HS6ST2: variants seen among roughly 807,000 people sequenced by gnomAD.
HS6ST2 encodes the protein heparan-sulfate 6-O-sulfotransferase 2.
Under a neutral mutation model 33.0 loss-of-function variants are expected in HS6ST2, and 17 were observed. The observed-to-expected ratio is 0.52, with a 90% CI of 0.35 to 0.77. The LOEUF (loss-of-function observed/expected upper bound fraction) is 0.77. Among genes scored for constraint, HS6ST2 ranks in the 30% least tolerant of loss-of-function variants. HS6ST2 has a pLI of 0.01. For synonymous variants in HS6ST2, 248 were observed against 237.1 expected (o/e 1.05, Z -0.42); for missense variants, 519 against 551.7 (o/e 0.94, Z 0.59).
At chrX:132,902,852 C>T (rs758236234) in intron 2 of HS6ST2, among the ~76,000 whole-genome samples, 1 of 25,253 alleles carries the variant, frequency 4.0e-5, no homozygotes, top group Admixed American at 6.0e-4. Flanking sequence ...ACATCAGACT[C>T]CATGGTGAAA....
chrX:132,685,603 C>T (rs1000742715), intron 3 of HS6ST2, among the ~76,000 whole-genome samples: 1 of 111,614 alleles, frequency 9.0e-6, no homozygotes, highest in African/African-American at 3.3e-5. Context: ...CAGAGCTGTT[C>T]CCTGGGAACT....
At chrX:132,712,694 G>C (rs1030383236) in intron 2 of HS6ST2, among the ~76,000 whole-genome samples, 2 of 111,808 alleles carry the variant, frequency 1.8e-5, no homozygotes, top group African/African-American at 6.5e-5. Context: ...ACACTGAAAA[G>C]GCAACTTAAT....
intron 2 of HS6ST2, among the ~76,000 whole-genome samples, chrX:132,801,312 A>G (rs1440371742): frequency 9.0e-6 from 1 of 111,009 alleles, no homozygotes; most frequent in Non-Finnish European, 1.9e-5. Flanking sequence ...AAAAAATTCT[A>G]TAGTTATAAT....
chrX:132,793,166 T>C (rs1239572257), intron 2 of HS6ST2, among the ~76,000 whole-genome samples: 1 of 98,792 alleles, frequency 1.0e-5, no homozygotes, highest in African/African-American at 3.8e-5. Context: ...GTTCAGGCAA[T>C]TTTCCCTCCT....
At chrX:132,640,001 G>A (rs1387523857) in intron 4 of HS6ST2, among the ~76,000 whole-genome samples, 2 of 112,004 alleles carry the variant, frequency 1.8e-5, no homozygotes, top group Non-Finnish European at 3.8e-5. Flanking sequence ...TCCAGAAACA[G>A]GCATGTGCAA....
chrX:132,686,603 T>A (rs958767940), intron 3 of HS6ST2, among the ~76,000 whole-genome samples: 1 of 111,991 alleles, frequency 8.9e-6, no homozygotes, highest in East Asian at 2.8e-4. Flanking sequence ...GCTGAAAACC[T>A]GGAGCTCTTA....
chrX:132,790,995 T>A (rs2065115967), intron 2 of HS6ST2, among the ~76,000 whole-genome samples: 1 of 110,048 alleles, frequency 9.1e-6, no homozygotes, highest in African/African-American at 3.3e-5. Flanking sequence ...TTTTTTTTTT[T>A]AATTAGCCAA....
chrX:132,944,741 C>T (rs1174958253), intron 2 of HS6ST2, among the ~76,000 whole-genome samples: 9 of 110,653 alleles, frequency 8.1e-5, no homozygotes, highest in African/African-American at 3.0e-4. Flanking sequence ...CTGACAAAAA[C>T]AAGAAATGGG....
chrX:132,869,871 C>G (rs941568672), intron 2 of HS6ST2, among the ~76,000 whole-genome samples: 4 of 111,657 alleles, frequency 3.6e-5, no homozygotes, highest in African/African-American at 1.3e-4. Context: ...CAAGGATGCC[C>G]TCTCTCAACA....
intron 3 of HS6ST2, among the ~76,000 whole-genome samples, chrX:132,705,790 T>C (rs965490743): frequency 1.8e-5 from 2 of 111,832 alleles, no homozygotes; most frequent in African/African-American, 6.5e-5. Context: ...TGTCAGTCAC[T>C]GATGTAATGT....
chrX:132,652,300 T>C (rs1177191669), intron 4 of HS6ST2, among the ~76,000 whole-genome samples: 1 of 112,220 alleles, frequency 8.9e-6, no homozygotes, highest in Non-Finnish European at 1.9e-5. Context: ...TTCTGTTTCT[T>C]CTATCTCCAA....
At chrX:132,954,304 C>T (rs1456665929) in intron 2 of HS6ST2, among the ~76,000 whole-genome samples, 1 of 111,845 alleles carries the variant, frequency 8.9e-6, no homozygotes, top group African/African-American at 3.3e-5. Flanking sequence ...AGCACAGAGA[C>T]CACCAGCTGG....
chrX:132,837,706 CTCAT>C (rs1274314622), intron 2 of HS6ST2, among the ~76,000 whole-genome samples: 19 of 112,129 alleles, frequency 1.7e-4, no homozygotes, highest in African/African-American at 6.1e-4. Context: ...GATCTAATCT[CTCAT>C]TCAAATTGTT....
At chrX:132,668,323 C>A (rs953635165) in intron 4 of HS6ST2, 1 of 110,652 alleles carries the variant, frequency 9.0e-6, no homozygotes, top group African/African-American at 3.3e-5. Context: ...GTCACAATGC[C>A]CCACACCCTG....
At chrX:132,681,930 A>C (rs1285045804) in intron 3 of HS6ST2, among the ~76,000 whole-genome samples, 1 of 112,394 alleles carries the variant, frequency 8.9e-6, no homozygotes, top group Non-Finnish European at 1.9e-5. Context: ...GAGCAGATGG[A>C]GGAGTGGAGA....
chrX:132,669,869 A>C (rs1251090190), intron 3 of HS6ST2: 1 of 112,885 alleles, frequency 8.9e-6, no homozygotes, highest in Non-Finnish European at 1.9e-5. Context: ...TAATAAACGC[A>C]GACGAATTAA....
chrX:132,660,743 G>C (rs1275750454), intron 4 of HS6ST2, among the ~76,000 whole-genome samples: 2 of 111,562 alleles, frequency 1.8e-5, no homozygotes, highest in Admixed American at 1.9e-4. Context: ...TCTTTTTCCA[G>C]ACTTAAGTGG....
intron 2 of HS6ST2, among the ~76,000 whole-genome samples, chrX:132,807,021 G>A (rs1484143876): frequency 2.7e-5 from 3 of 110,411 alleles, no homozygotes; most frequent in Non-Finnish European, 3.8e-5. Flanking sequence ...GGTGAAACGA[G>A]TTACCCAAGA....
intron 4 of HS6ST2, among the ~76,000 whole-genome samples, chrX:132,664,012 T>C (rs2063793151): frequency 8.9e-6 from 1 of 112,376 alleles, no homozygotes; most frequent in Admixed American, 9.4e-5. Context: ...CTTTCATTTT[T>C]TTCTTTTCTT....
Sources: allele counts gnomAD v4.1 joint callset (sites outside exome capture counted in the v4.1 genomes callset), GRCh38; gene constraint gnomAD v4.1.1; transcripts MANE v1.5; gene names NCBI Gene and HGNC (gene_info 2026-07-23, HGNC 2026-07-21).